The following ATXN1 variants were observed in gnomAD, a reference collection of about 807,000 sequenced individuals.
The protein encoded by ATXN1 is ataxin-1.
A neutral mutation model predicts 56.4 loss-of-function variants in ATXN1; 8 were observed. That is an observed-to-expected ratio of 0.14 (90% confidence interval 0.08 to 0.26). ATXN1 has a LOEUF of 0.26. Among genes scored for constraint, ATXN1 ranks in the 10% least tolerant of loss-of-function variants. ATXN1 has a pLI of 1.00. For synonymous variants in ATXN1, 514 were observed against 494.6 expected (o/e 1.04, Z -0.52); for missense variants, 987 against 1,106.5 (o/e 0.89, Z 1.53).
intron 6 of ATXN1, among the ~76,000 whole-genome samples, chr6:16,460,639 C>T (rs550972029): frequency 1.3e-5 from 2 of 152,292 alleles, no homozygotes; most frequent in East Asian, 1.9e-4. Flanking sequence ...GAGAACCAAT[C>T]GAGTATGACT....
chr6:16,556,621 C>T (rs373904085), intron 4 of ATXN1, among the ~76,000 whole-genome samples: 37 of 152,250 alleles, frequency 2.4e-4, no homozygotes, highest in Admixed American at 1.0e-3. Context: ...GCCCTACAAA[C>T]GCCAAATGGA....
At chr6:16,347,807 G>A (rs1047568982) in intron 6 of ATXN1, among the ~76,000 whole-genome samples, 1 of 152,242 alleles carries the variant, frequency 6.6e-6, no homozygotes, top group Admixed American at 6.5e-5. Flanking sequence ...CCAGATAAGA[G>A]AATAAAAGCA....
chr6:16,445,972 C>T lies in ATXN1; in HGVS notation c.-161+40000G>A, dbSNP rs532639051. On this transcript the variant is annotated intron_variant, in intron 6 of 7. Transcript: ENST00000436367. Reference sequence around the variant, plus strand: ...AAGTCTTTGCTATTGTGAATAGTGCCGCCATAAACATACATGTGCATGTGT... The same window carrying T: ...AAGTCTTTGCTATTGTGAATAGTGCTGCCATAAACATACATGTGCATGTGT... 3.9e-4 allele frequency among the ~76,000 whole-genome samples: 60 copies of T among 151,956 alleles called. No individual in the cohort carries two copies. In the East Asian group the frequency reaches 5.2e-3, roughly 13 times the overall value.
At chr6:16,525,265 C>T (rs1026481653) in intron 4 of ATXN1, among the ~76,000 whole-genome samples, 7 of 152,124 alleles carry the variant, frequency 4.6e-5, no homozygotes, top group Non-Finnish European at 8.8e-5. Context: ...GATTTGGAAG[C>T]AATCTAAATG....
At chr6:16,669,388 T>C (rs1758492774) in intron 2 of ATXN1, among the ~76,000 whole-genome samples, 1 of 152,210 alleles carries the variant, frequency 6.6e-6, no homozygotes, top group Admixed American at 6.5e-5. Flanking sequence ...TGGTGGAAAT[T>C]TTCAACAACC....
At chr6:16,500,876 C>T (rs1364271523) in intron 5 of ATXN1, among the ~76,000 whole-genome samples, 1 of 152,038 alleles carries the variant, frequency 6.6e-6, no homozygotes, top group Non-Finnish European at 1.5e-5. Context: ...AAAAATCTCC[C>T]ATACTTAAAT....
intron 4 of ATXN1, among the ~76,000 whole-genome samples, chr6:16,575,129 T>C (rs1192226055): frequency 1.3e-5 from 2 of 152,226 alleles, no homozygotes; most frequent in Admixed American, 6.5e-5. Flanking sequence ...GTTAAGGTGA[T>C]GTCTGCCAGG....
intron 4 of ATXN1, among the ~76,000 whole-genome samples, chr6:16,560,241 C>T (rs1324193585): frequency 1.3e-5 from 2 of 151,884 alleles, no homozygotes; most frequent in African/African-American, 4.8e-5. Context: ...ACCAGCCTGG[C>T]CAACATGGTG....
At chr6:16,611,753 A>C (rs779366573) in intron 3 of ATXN1, among the ~76,000 whole-genome samples, 6 of 152,136 alleles carry the variant, frequency 3.9e-5, no homozygotes, top group Non-Finnish European at 5.9e-5. Flanking sequence ...TAGAGCATGG[A>C]AATATATAAA....
chr6:16,545,637 G>A (rs59674857), intron 4 of ATXN1, among the ~76,000 whole-genome samples: 1,529 of 152,264 alleles, frequency 0.01, 13 homozygotes, highest in Middle Eastern at 0.034. Flanking sequence ...GACATGGACC[G>A]AGAGCTAACA....
At chr6:16,474,246 T>C (rs1222156678) in intron 6 of ATXN1, among the ~76,000 whole-genome samples, 1 of 152,236 alleles carries the variant, frequency 6.6e-6, no homozygotes, top group Non-Finnish European at 1.5e-5. Context: ...TAATTTGCTT[T>C]GGTTAAAGGG....
intron 6 of ATXN1, among the ~76,000 whole-genome samples, chr6:16,339,787 T>A (rs1365046329): frequency 6.6e-6 from 1 of 152,044 alleles, no homozygotes; most frequent in East Asian, 1.9e-4. Context: ...TAGTGAAGAA[T>A]TTTTTTTCTT....
intron 6 of ATXN1, among the ~76,000 whole-genome samples, chr6:16,387,027 G>A (rs1441506734): frequency 6.6e-6 from 1 of 152,150 alleles, no homozygotes; most frequent in Non-Finnish European, 1.5e-5. Context: ...CAAGGACTGT[G>A]TCTTAGTCAT....
intron 6 of ATXN1, among the ~76,000 whole-genome samples, chr6:16,330,213 G>A (rs978664954): frequency 6.6e-5 from 10 of 152,046 alleles, no homozygotes; most frequent in African/African-American, 2.2e-4. Flanking sequence ...ACTGTGTGTA[G>A]CCAATGATCC....
rs1210250911 is a variant in ATXN1 at position 16,663,023 on chromosome 6, AGTGCAATG to A, written c.-614-5130_-614-5123del. Among the ~76,000 whole-genome samples the A allele has an allele frequency of 1.5e-4, 19 of 130,002 alleles. No homozygotes were observed. The East Asian group carries it at 4.4e-3, about 30-fold the overall frequency. The allele number at this position is 130,002 out of a possible 152,430, so 85.3% of individuals were successfully genotyped here. On this transcript the variant is annotated intron_variant, in intron 2 of 7. Coordinates refer to ENST00000436367, the MANE Select transcript of ATXN1 (RefSeq NM_001128164.2). ...GTTTTGCTCTTGTTGCCCAGGCTGT[AGTGCAATG>A]GTGCAATGTCGGCTCGCTGCAACCT...
chr6:16,557,914 G>T (rs1683839274), intron 4 of ATXN1, among the ~76,000 whole-genome samples: 1 of 152,206 alleles, frequency 6.6e-6, no homozygotes, highest in African/African-American at 2.4e-5. Flanking sequence ...AAAGTCAGTT[G>T]TGTAAGGCCA....
At chr6:16,488,117 G>A (rs778826465) in intron 5 of ATXN1, among the ~76,000 whole-genome samples, 29 of 152,034 alleles carry the variant, frequency 1.9e-4, no homozygotes, top group Non-Finnish European at 4.0e-4. Context: ...GATTAATTTC[G>A]GTGAGAGGAA....
intron 2 of ATXN1, among the ~76,000 whole-genome samples, chr6:16,679,338 G>A (rs75831937): frequency 0.026 from 3,939 of 150,272 alleles, 75 homozygotes; most frequent in South Asian, 0.07. Flanking sequence ...GTGGATAGGT[G>A]GATGGGAGGA....
At chr6:16,413,871 G>A (rs1313890797) in intron 6 of ATXN1, among the ~76,000 whole-genome samples, 1 of 152,168 alleles carries the variant, frequency 6.6e-6, no homozygotes, top group Non-Finnish European at 1.5e-5. Context: ...CAGATAATAA[G>A]GAGGTGGTTA....
Sources: allele counts gnomAD v4.1 joint callset (sites outside exome capture counted in the v4.1 genomes callset), GRCh38; gene constraint gnomAD v4.1.1; transcripts MANE v1.5; gene names NCBI Gene and HGNC (gene_info 2026-07-23, HGNC 2026-07-21).